Variants in SPATC1 observed in about 807,000 individuals in gnomAD.
SPATC1 encodes speriolin.
SPATC1 carries 35 observed loss-of-function variants against 36.5 expected under a neutral mutation model. The ratio of observed to expected loss-of-function variants is 0.96; its 90% confidence interval spans 0.73 to 1.27. The LOEUF (loss-of-function observed/expected upper bound fraction) is 1.27, where lower values mean the gene tolerates loss of function less well. SPATC1 is among the 50% of genes most tolerant of loss of function. The pLI, the probability that SPATC1 is intolerant of heterozygous loss-of-function variation, is 0.00. For missense variants in SPATC1, 779 were observed against 796.0 expected (o/e 0.98, Z 0.26); for synonymous variants, 361 against 353.6 (o/e 1.02, Z -0.24).
At chr8:144,011,132 C>A (rs1834278822), upstream of SPATC1, among the ~76,000 whole-genome samples, 1 of 152,002 alleles carries the variant, frequency 6.6e-6, no homozygotes, top group African/African-American at 2.4e-5. This position sits in a 1 kb window ranked among gnomAD's most constrained non-coding sequence, Gnocchi z 4.5. Context: ...TATAGCCTCA[C>A]AAAATTGACA....
chr8:144,039,160 CTGCACTCCCACCA>C (rs1314545536), intron 1 of SPATC1, among the ~76,000 whole-genome samples: 1 of 152,228 alleles, frequency 6.6e-6, no homozygotes, highest in African/African-American at 2.4e-5. Context: ...AAAACCTTCT[CTGCACTCCCACCA>C]CTACTGCCAG....
chr8:144,042,274 A>G (rs1163242773), intron 4 of SPATC1, among the ~76,000 whole-genome samples: 1 of 114,294 alleles, frequency 8.7e-6, no homozygotes, highest in African/African-American at 3.6e-5. Flanking sequence ...TTACGCCACC[A>G]CGCCCAGCTA....
rs1189539821 is a variant in SPATC1 at position 144,046,068 on chromosome 8, A to T, written c.1447-559A>T. Among the ~76,000 whole-genome samples the T allele has an allele frequency of 6.6e-6, 1 of 152,100 alleles. No individual in the cohort carries two copies. The highest frequency in any genetic ancestry group is 1.5e-5 in the Non-Finnish European group (1 of 67,992). ...CAGGCCCCTCAGCGCTGGGGCCAAC[A>T]CTTGCCTGGGGTTGTCAGTTCAGTG... is the stretch of plus-strand genomic sequence containing the variant. On this transcript the variant is annotated intron_variant, in intron 4 of 4. Coordinates refer to ENST00000377470, the MANE Select transcript of SPATC1 (RefSeq NM_198572.3). The surrounding 1 kb of genome is among the most constrained non-coding windows in gnomAD (Gnocchi z 6.6).
At chr8:144,011,982 A>G (rs935469983), upstream of SPATC1, among the ~76,000 whole-genome samples, 3 of 152,204 alleles carry the variant, frequency 2.0e-5, no homozygotes, top group East Asian at 1.9e-4. The surrounding 1 kb of genome is among the most constrained non-coding windows in gnomAD (Gnocchi z 4.5). Flanking sequence ...CTGGCCAGGA[A>G]GGTGGAGTGG....
chr8:144,037,226 C>A (rs1834924737), intron 1 of SPATC1, among the ~76,000 whole-genome samples: 1 of 145,850 alleles, frequency 6.9e-6, no homozygotes, highest in South Asian at 2.3e-4. Context: ...GCCGGCCGCC[C>A]CGCCCGGGAG....
At chr8:144,029,019 A>T (rs1006784896) in intron 1 of SPATC1, among the ~76,000 whole-genome samples, 1 of 151,930 alleles carries the variant, frequency 6.6e-6, no homozygotes, top group Non-Finnish European at 1.5e-5. Context: ...ACATGGACAC[A>T]GGGAGGAGAG....
intron 1 of SPATC1, among the ~76,000 whole-genome samples, chr8:144,035,388 G>A (rs1834878054): frequency 6.6e-6 from 1 of 152,240 alleles, no homozygotes; most frequent in Admixed American, 6.5e-5. Flanking sequence ...GTGTGCAGCA[G>A]CACATCAGAC....
intron 1 of SPATC1, among the ~76,000 whole-genome samples, chr8:144,038,632 G>A (rs1174646733): frequency 6.6e-6 from 1 of 151,792 alleles, no homozygotes; most frequent in Non-Finnish European, 1.5e-5. Flanking sequence ...GTGCCACCAG[G>A]CCCAGCTAAT....
chr8:144,032,343 T>C (rs1834814594), intron 1 of SPATC1, among the ~76,000 whole-genome samples: 1 of 152,172 alleles, frequency 6.6e-6, no homozygotes, highest in African/African-American at 2.4e-5. Flanking sequence ...AGTGGCACGA[T>C]CTTGGCTCAC....
intron 1 of SPATC1, among the ~76,000 whole-genome samples, chr8:144,037,215 A>G (rs1834923970): frequency 7.7e-6 from 1 of 130,286 alleles, no homozygotes; most frequent in Non-Finnish European, 1.6e-5. Context: ...CCCCCCGCCC[A>G]GCCGGCCGCC....
In SPATC1 at chr8:144,012,768, G is replaced by A. The variant is rs1554752653; in HGVS notation, c.211+42G>A. ...CCAAGAGAGTGAGGAGGGAAGTGGG[G>A]ACTGCACCAGAGAGGAGAGACTCAG... On this transcript the variant is annotated intron_variant, in intron 1 of 4. Coordinates refer to ENST00000377470, the MANE Select transcript of SPATC1 (RefSeq NM_198572.3). The A allele has an allele frequency of 2.6e-6, 4 of 1,545,016 alleles. No individual in the cohort carries two copies. In the Admixed American group the frequency reaches 5.9e-5, roughly 23 times the overall value.
chr8:144,034,534 A>G (rs1210496024), intron 1 of SPATC1, among the ~76,000 whole-genome samples: 1 of 152,162 alleles, frequency 6.6e-6, no homozygotes, highest in African/African-American at 2.4e-5. Flanking sequence ...TGACATTTAC[A>G]TACACCCCTT....
chr8:144,042,073 A>C, intron 4 of SPATC1: 1 of 919,314 alleles, frequency 1.1e-6, no homozygotes, highest in South Asian at 5.0e-5. Flanking sequence ...TCCACCTGAA[A>C]AAGAAAAAGA....
chr8:144,040,598 C>G lies in SPATC1; in HGVS notation c.797C>G (p.Thr266Ser). The G allele has an allele frequency of 6.2e-7, 1 of 1,606,886 alleles. No individual in the cohort carries two copies. The highest frequency in any genetic ancestry group is 8.5e-7 in the Non-Finnish European group (1 of 1,176,316). Residue 266 changes from threonine (T) to serine (S), a missense_variant, in exon 3 of 5, where the codon ACC becomes AGC. Coordinates refer to ENST00000377470, the MANE Select transcript of SPATC1 (RefSeq NM_198572.3). The part of the protein sequence containing the change: ...VPLSTEPPQS[T>S]QDPEPLSMAF... ...CTCTCCACTGAGCCCCCCCAGTCGA[C>G]CCAGGACCCAGAGCCTCTCAGCATG...
At chr8:144,023,171 G>A (rs1246107252) in intron 1 of SPATC1, among the ~76,000 whole-genome samples, 5 of 110,340 alleles carry the variant, frequency 4.5e-5, no homozygotes, top group African/African-American at 1.5e-4. Context: ...CTTTCTCTCA[G>A]GACCCTCTTT....
chr8:144,045,556 G>T lies in SPATC1; in HGVS notation c.1447-1071G>T, dbSNP rs1554756646. The stretch of plus-strand genomic sequence containing the variant: ...GACATAGCTGGAAGAGGGGTGCAGG[G>T]ACAGATGGGGGGACACTGGAGGGTG... On this transcript the variant is annotated intron_variant, in intron 4 of 4. Transcript: ENST00000377470. The surrounding 1 kb of genome is among the most constrained non-coding windows in gnomAD (Gnocchi z 5.2). Among the ~76,000 whole-genome samples, 1 of 152,204 alleles carries T rather than the reference G, an allele frequency of 6.6e-6. No homozygotes were observed. The highest frequency in any genetic ancestry group is 1.5e-5 in the Non-Finnish European group (1 of 68,026).
chr8:144,042,090 A>C, intron 4 of SPATC1: 1 of 806,360 alleles, frequency 1.2e-6, no homozygotes, highest in East Asian at 1.3e-4. Flanking sequence ...AAGAGTACAC[A>C]ACAGTGTATG....
chr8:144,046,105 A>C lies in SPATC1; in HGVS notation c.1447-522A>C, dbSNP rs1554756695. ...TTGTCAGTTCAGTGATGGGGGAGGAAAGGGAGTCCCCTAGGGGGTGTGCAG... is the reference window on the plus strand; with the variant it reads ...TTGTCAGTTCAGTGATGGGGGAGGACAGGGAGTCCCCTAGGGGGTGTGCAG... On this transcript the variant is annotated intron_variant, in intron 4 of 4. Coordinates refer to ENST00000377470, the MANE Select transcript of SPATC1 (RefSeq NM_198572.3). This position sits in a 1 kb window ranked among gnomAD's most constrained non-coding sequence, Gnocchi z 6.6. Among the ~76,000 whole-genome samples, 1 of 152,092 alleles carries C rather than the reference A, an allele frequency of 6.6e-6. No individual in the cohort carries two copies. Among genetic ancestry groups the C allele is most frequent in the East Asian group, 1.9e-4 (1 of 5,192 alleles).
intron 1 of SPATC1, among the ~76,000 whole-genome samples, chr8:144,034,776 C>A (rs1348251194): frequency 6.6e-6 from 1 of 152,072 alleles, no homozygotes; most frequent in Non-Finnish European, 1.5e-5. Flanking sequence ...CACACACCAA[C>A]ACACCTGACT....
Sources: allele counts gnomAD v4.1 joint callset (sites outside exome capture counted in the v4.1 genomes callset), GRCh38; gene constraint gnomAD v4.1.1; non-coding constraint Gnocchi (gnomAD v3.1); transcripts MANE v1.5; gene names NCBI Gene and HGNC (gene_info 2026-07-23, HGNC 2026-07-21).